Variants in DST observed in about 807,000 individuals in gnomAD.
DST encodes dystonin.
A neutral mutation model predicts 875.2 loss-of-function variants in DST; 253 were observed. The observed-to-expected ratio is 0.29, with a 90% CI of 0.26 to 0.32. The LOEUF (loss-of-function observed/expected upper bound fraction) is 0.32. DST is among the 10% of genes least tolerant of loss of function. The probability of loss-of-function intolerance (pLI) is 1.00; values close to 1 mark genes in which losing one functional copy is unlikely to be tolerated. For missense variants in DST, 8,287 were observed against 9,111.6 expected, an observed-to-expected ratio of 0.91 and a Z score of 3.68; for synonymous variants, 3,124 against 3,197.1, an observed-to-expected ratio of 0.98 and a Z score of 0.77.
At chr6:56,767,692 C>A (rs1444194341) in intron 4 of DST, among the ~76,000 whole-genome samples, 1 of 151,698 alleles carries the variant, frequency 6.6e-6, no homozygotes, top group African/African-American at 2.4e-5. Flanking sequence ...ATAGTGATGG[C>A]TGTGAAATAA....
rs1478819441 is a variant in DST, at chr6:56,552,192, T to C, written c.16600A>G (p.Met5534Val). Reference protein sequence around the residue: ...ETETINQQLNMFKVFQKEEIE... With the variant: ...ETETINQQLNVFKVFQKEEIE... The stretch of plus-strand genomic sequence containing the variant: ...AATGAAGAGTTCCCTACCTTGAACA[T>C]GTTAAGCTGCTGATTAATTGTCTCC... The change falls in exon 61 of 104, where the codon ATG becomes GTG. Residue 5534 changes from methionine to valine, a missense_variant. Around this residue, in one of 10 missense-constraint regions of DST, gnomAD observed 777 missense variants for 764.8 expected, o/e 1.02. Coordinates refer to ENST00000680361, the MANE Select transcript of DST (RefSeq NM_001374736.1). 6 of 1,608,816 alleles carry C rather than the reference T, an allele frequency of 3.7e-6. No homozygotes were observed. The highest frequency in any genetic ancestry group is 1.7e-5 in the Admixed American group (1 of 59,502).
rs1435716549 is a variant in DST at position 56,650,920 on chromosome 6, A to G, written c.1434+6T>C. ...CAGCTTCCGGTGTGGAAAAATCAAT[A>G]CTCACATTTGCACCAATGCCTTCCC... On this transcript the variant is annotated splice_donor_region_variant and intron_variant, in intron 12 of 103. Coordinates refer to ENST00000680361, the MANE Select transcript of DST (RefSeq NM_001374736.1). 4 of 1,573,780 alleles carry G rather than the reference A, an allele frequency of 2.5e-6. No individual in the cohort carries two copies. In the Admixed American group the frequency reaches 6.8e-5, roughly 27 times the overall value.
intron 49 of DST, among the ~76,000 whole-genome samples, chr6:56,589,815 C>A (rs757415519): frequency 6.6e-6 from 1 of 152,126 alleles, no homozygotes; most frequent in Non-Finnish European, 1.5e-5. Context: ...AATAATAATG[C>A]TAATAACAAC....
intron 8 of DST, 98 bp downstream of exon 8, chr6:56,701,790 C>T (rs1588877260): frequency 1.4e-6 from 1 of 726,914 alleles, no homozygotes; most frequent in Non-Finnish European, 2.3e-6. Context: ...GGTTACAATT[C>T]ACAGGCAAAT....
intron 97 of DST, among the ~76,000 whole-genome samples, chr6:56,469,401 G>A (rs947335818): frequency 2.0e-5 from 3 of 151,542 alleles, no homozygotes; most frequent in African/African-American, 7.3e-5. Flanking sequence ...CTGTTCTTCT[G>A]TTTTGAAGAG....
chr6:56,569,949 C>T lies in DST; in HGVS notation c.13785G>A (p.Leu4595=). ...TTGTTGTTTCTTTTATCCATGACTT[C>T]AATGATTTAACAAGAACTTGGAAAG... is the stretch of plus-strand genomic sequence containing the variant. ...LDAFQVLVKS[L]KSWIKETTKK... is the part of the protein sequence containing the mutation. The change falls in exon 54 of 104, where the codon TTG becomes TTA. Residue 4595 remains leucine, a synonymous_variant. Coordinates refer to ENST00000680361, the MANE Select transcript of DST (RefSeq NM_001374736.1). The T allele has an allele frequency of 6.2e-7, 1 of 1,609,462 alleles. No homozygotes were observed. The highest frequency in any genetic ancestry group is 8.5e-7 in the Non-Finnish European group (1 of 1,178,354).
chr6:56,650,948 C>T lies in DST; in HGVS notation c.1412G>A (p.Gly471Asp). The T allele has an allele frequency of 6.2e-7, 1 of 1,612,778 alleles. No individual in the cohort carries two copies. The stretch of plus-strand genomic sequence containing the variant: ...CACATTTGCACCAATGCCTTCCCCA[C>T]CTTCAGGGACTTTAGGAAATGCATC... ...LYDAFPKVPEGGEGIGANDVE... is the reference protein window; with the variant it reads ...LYDAFPKVPEDGEGIGANDVE... The change falls in exon 12 of 104, where the codon GGT becomes GAT. Residue 471 changes from glycine (G) to aspartate (D), a missense_variant. By Grantham distance (94) the Gly-to-Asp change is moderately conservative. Coordinates refer to ENST00000680361, the MANE Select transcript of DST (RefSeq NM_001374736.1).
chr6:56,461,227 T>C (rs1442808867), intron 102 of DST: 2 of 150,786 alleles, frequency 1.3e-5, no homozygotes, highest in Non-Finnish European at 3.0e-5. Context: ...TATCTACATA[T>C]GTGTATACTA....
At chr6:56,617,729 C>T (rs2098641454) in intron 36 of DST, among the ~76,000 whole-genome samples, 2 of 152,064 alleles carry the variant, frequency 1.3e-5, no homozygotes, top group African/African-American at 4.8e-5. Context: ...TCACATTTTT[C>T]AGAATGTATC....
chr6:56,835,471 T>C (rs779803826), intron 4 of DST, among the ~76,000 whole-genome samples: 20 of 152,218 alleles, frequency 1.3e-4, no homozygotes, highest in Non-Finnish European at 2.6e-4. Context: ...ATGGGAACTA[T>C]GTAGTTTCTG....
At chr6:56,465,577 A>G (rs1277977639) in intron 99 of DST, among the ~76,000 whole-genome samples, 1 of 152,192 alleles carries the variant, frequency 6.6e-6, no homozygotes, top group Non-Finnish European at 1.5e-5. Context: ...TAATGTTCTA[A>G]TCTGCAACTT....
intron 36 of DST, chr6:56,618,379 T>C (rs1233251666): frequency 1.2e-6 from 2 of 1,614,220 alleles, no homozygotes; most frequent in African/African-American, 1.3e-5. Context: ...ACTCCTTCAC[T>C]GTCATCTCAA....
At position 56,632,882 on chromosome 6, in the gene DST, A is replaced by G. The variant is rs775159986; in HGVS notation, c.3777T>C (p.Tyr1259=). ...EKEVNVCKQY[Y]QELLKSAERE... ...TTTCTGCAGATTTAAGAAGTTCTTG[A>G]TAATACTGCTTACATACATTAACCT... Residue 1259 remains tyrosine (Y), a synonymous_variant, in exon 28 of 104, where the codon TAT becomes TAC. Transcript: ENST00000680361. 2 of 1,613,812 alleles carry G rather than the reference A, an allele frequency of 1.2e-6. No individual in the cohort carries two copies. The highest frequency in any genetic ancestry group is 2.7e-5 in the African/African-American group (2 of 74,928).
At chr6:56,938,108 C>CTCTCTCTCTCTCTATATATATATA (rs1383243392) in intron 2 of DST, among the ~76,000 whole-genome samples, 58 of 120,722 alleles carry the variant, frequency 4.8e-4, no homozygotes, top group African/African-American at 2.0e-3. Flanking sequence ...CTCTCTCTCT[C>CTCTCTCTCTCTCTATATATATATA]TATATATATA....
At chr6:56,625,296 T>C (rs550789203) in intron 34 of DST, 32 bp from the exon 35 acceptor site, 86 of 1,382,332 alleles carry the variant, frequency 6.2e-5, no homozygotes, top group South Asian at 2.0e-4. Flanking sequence ...ATAAAATGAA[T>C]TGAAGCAAAG....
At chr6:56,601,723 T>C (rs1418161021) in intron 43 of DST, 47 bp from the exon 44 acceptor site, 2 of 1,053,452 alleles carry the variant, frequency 1.9e-6, no homozygotes, top group African/African-American at 1.6e-5. Flanking sequence ...TAAGCCATGA[T>C]AAAATTTATA....
At chr6:56,511,942 G>A (rs1367354074) in intron 72 of DST, among the ~76,000 whole-genome samples, 1 of 152,116 alleles carries the variant, frequency 6.6e-6, no homozygotes, top group East Asian at 1.9e-4. Context: ...AAAACCTCAA[G>A]ATAAGGAATG....
At position 56,519,332 on chromosome 6, in the gene DST, C is replaced by T. The variant is rs77532474; in HGVS notation, c.18130-1712G>A. 8.8e-3 allele frequency among the ~76,000 whole-genome samples: 1,334 copies of T among 152,258 alleles called. 26 individuals carry two copies. The highest frequency in any genetic ancestry group is 0.031 in the African/African-American group (1,288 of 41,542). Reference sequence around the variant, plus strand: ...CTACAGAAAAAATGGTTGCTCCACTCACACTCATGCCAAGAAAGGACAAAT... The same window carrying T: ...CTACAGAAAAAATGGTTGCTCCACTTACACTCATGCCAAGAAAGGACAAAT... On this transcript the variant is annotated intron_variant, in intron 69 of 103. Transcript: ENST00000680361.
At chr6:56,911,908 T>C (rs1005851166) in intron 2 of DST, among the ~76,000 whole-genome samples, 1 of 152,144 alleles carries the variant, frequency 6.6e-6, no homozygotes, top group African/African-American at 2.4e-5. Context: ...CAATGAGGGG[T>C]TCCTTTTCTC....
Sources: gnomAD v4.1 joint callset for allele counts (sites outside exome capture counted in the v4.1 genomes callset) on GRCh38, gnomAD v4.1.1 for gene constraint, gnomAD v4.1.1 regional missense constraint, MANE v1.5 for transcripts, NCBI Gene and HGNC (gene_info 2026-07-23, HGNC 2026-07-21) for gene names.